The following CACNA1C variants were observed in gnomAD, a reference collection of about 807,000 sequenced individuals.
CACNA1C encodes the protein voltage-dependent L-type calcium channel subunit alpha-1C.
CACNA1C carries 30 observed loss-of-function variants against 229.0 expected under a neutral mutation model. That is an observed-to-expected ratio of 0.13 (90% CI 0.10 to 0.18). CACNA1C has a LOEUF of 0.18. Ranked by LOEUF, CACNA1C falls within the 10% of genes least tolerant of loss-of-function variation. The pLI, the probability that CACNA1C is intolerant of heterozygous loss-of-function variation, is 1.00. For missense variants in CACNA1C, 1,658 were observed against 2,845.0 expected, an observed-to-expected ratio of 0.58 and a Z score of 9.49; for synonymous variants, 1,114 against 1,132.5, an observed-to-expected ratio of 0.98 and a Z score of 0.33.
chr12:2,565,216 C>G (rs1245463903), intron 11 of CACNA1C, among the ~76,000 whole-genome samples: 4 of 152,004 alleles, frequency 2.6e-5, no homozygotes, highest in East Asian at 3.9e-4. Context: ...CGCCTGTAAT[C>G]CCAGCACTTT....
intron 2 of CACNA1C, among the ~76,000 whole-genome samples, chr12:2,117,939 T>C (rs2084741984): frequency 6.6e-6 from 1 of 152,214 alleles, no homozygotes; most frequent in Admixed American, 6.5e-5. Context: ...CCAGTTCTTC[T>C]TGAAGAAGTG....
At chr12:2,531,645 G>A (rs1205058255) in intron 9 of CACNA1C, among the ~76,000 whole-genome samples, 1 of 152,164 alleles carries the variant, frequency 6.6e-6, no homozygotes, top group Non-Finnish European at 1.5e-5. Flanking sequence ...CACAAGAGAG[G>A]AAGTGTCCAC....
intron 3 of CACNA1C, among the ~76,000 whole-genome samples, chr12:2,299,988 C>T (rs2094430210): frequency 6.6e-6 from 1 of 152,214 alleles, no homozygotes; most frequent in Admixed American, 6.5e-5. Context: ...ATCATCAGCA[C>T]TATCATTTTG....
chr12:2,652,002 G>A (rs948406512), intron 32 of CACNA1C, among the ~76,000 whole-genome samples: 2 of 152,120 alleles, frequency 1.3e-5, no homozygotes, highest in African/African-American at 4.8e-5. Flanking sequence ...GGAGGGATGG[G>A]AGCTAAGGGG....
At chr12:2,428,898 G>A (rs978820067) in intron 3 of CACNA1C, among the ~76,000 whole-genome samples, 1 of 152,186 alleles carries the variant, frequency 6.6e-6, no homozygotes, top group African/African-American at 2.4e-5. Flanking sequence ...CTTAGGTGAT[G>A]TCCTTGTGTT....
At chr12:2,061,303 G>A (rs774381876) in intron 1 of CACNA1C, among the ~76,000 whole-genome samples, 1 of 152,216 alleles carries the variant, frequency 6.6e-6, no homozygotes, top group Admixed American at 6.5e-5. Context: ...GCAACGCCAT[G>A]AAGTAACATT....
chr12:2,538,166 C>G (rs2049344650), intron 9 of CACNA1C, among the ~76,000 whole-genome samples: 1 of 152,192 alleles, frequency 6.6e-6, no homozygotes, highest in Admixed American at 6.5e-5. Context: ...TGCCTCCTCC[C>G]AGTTTATAGC....
intron 3 of CACNA1C, among the ~76,000 whole-genome samples, chr12:2,263,289 G>A (rs929367875): frequency 6.6e-5 from 10 of 151,694 alleles, no homozygotes; most frequent in African/African-American, 1.2e-4. Context: ...TATGCCCAGC[G>A]TGTCTGGGAG....
intron 3 of CACNA1C, among the ~76,000 whole-genome samples, chr12:2,255,253 C>T (rs1450949487): frequency 7.0e-6 from 1 of 143,742 alleles, no homozygotes; most frequent in Non-Finnish European, 1.5e-5. Flanking sequence ...ATGGGATGCT[C>T]AGCATTCTGC....
chr12:2,041,270 C>CTT (rs58922699), intron 1 of CACNA1C, among the ~76,000 whole-genome samples: 5,467 of 90,640 alleles, frequency 0.06, 389 homozygotes, highest in Non-Finnish European at 0.066. Flanking sequence ...TAAGGGTATT[C>CTT]TTTTTTTTTT....
intron 1 of CACNA1C, among the ~76,000 whole-genome samples, chr12:2,037,695 G>T (rs979709849): frequency 1.3e-5 from 2 of 152,188 alleles, no homozygotes; most frequent in African/African-American, 4.8e-5. Flanking sequence ...CCCACTGGAG[G>T]AACAGCACGA....
intron 3 of CACNA1C, among the ~76,000 whole-genome samples, chr12:2,282,582 A>C (rs780517103): frequency 6.6e-6 from 1 of 152,164 alleles, no homozygotes; most frequent in Non-Finnish European, 1.5e-5. Flanking sequence ...TCCTTCCCTC[A>C]CAGCTCATGG....
chr12:2,643,579 T>C (rs12422549), intron 30 of CACNA1C, among the ~76,000 whole-genome samples: 104,171 of 152,096 alleles, frequency 0.68, 37,792 homozygotes, highest in East Asian at 0.8. Flanking sequence ...TTAAAACATG[T>C]TTGCCTTTGG....
chr12:2,444,187 G>A (rs932114577), intron 3 of CACNA1C, among the ~76,000 whole-genome samples: 4 of 152,134 alleles, frequency 2.6e-5, no homozygotes, highest in Admixed American at 6.6e-5. Flanking sequence ...CCAGTACCCC[G>A]GCAGGTGAGA....
chr12:2,120,470 T>C (rs1407509816), intron 3 of CACNA1C, 40 bp downstream of exon 3: 1 of 1,096,146 alleles, frequency 9.1e-7, no homozygotes, highest in Non-Finnish European at 1.4e-6. Context: ...TTTCACTCGA[T>C]GGAGAACTGC....
chr12:2,664,942 C>T lies in CACNA1C; in HGVS notation c.4350C>T (p.Ser1450=), dbSNP rs779744304. The T allele has an allele frequency of 6.2e-7, 1 of 1,614,180 alleles. No homozygotes were observed. Among genetic ancestry groups the T allele is most frequent in the Non-Finnish European group, 8.5e-7 (1 of 1,180,006 alleles). The change falls in exon 35 of 47, where the codon AGC becomes AGT. Residue 1450 remains serine, a synonymous_variant. Transcript: ENST00000399655. ...AGGGTGAAACACCCTGTGGTAGCAG[C>T]TTTGCTGTCTTCTACTTCATCAGCT... ...STEGETPCGS[S]FAVFYFISFY...
intron 3 of CACNA1C, among the ~76,000 whole-genome samples, chr12:2,299,609 C>T (rs1313398379): frequency 1.3e-5 from 2 of 152,136 alleles, no homozygotes; most frequent in Non-Finnish European, 2.9e-5. Context: ...TCCACATTGG[C>T]CGGAACAGAA....
At position 2,691,585 on chromosome 12, in the gene CACNA1C, T is replaced by C. The variant is rs1208896624; in HGVS notation, c.*386T>C. 5.7e-6 allele frequency: 1 copy of C among 174,848 alleles called. No homozygotes were observed. The highest frequency in any genetic ancestry group is 2.4e-5 in the African/African-American group (1 of 42,366). 10.8% of individuals were successfully genotyped at this position (174,848 alleles called of 1,614,324 possible). A position where few individuals can be genotyped will look rare whatever the true frequency, so the allele number is the denominator to read the frequency against. On this transcript the variant is annotated 3_prime_UTR_variant, in exon 47 of 47. Coordinates refer to ENST00000399655, the MANE Select transcript of CACNA1C (RefSeq NM_000719.7). ...TTGTAGAAACCATTTGCACATATTCTGTACGAGCCTCGCTGTCTCCCTAGA... is the reference window on the plus strand; with the variant it reads ...TTGTAGAAACCATTTGCACATATTCCGTACGAGCCTCGCTGTCTCCCTAGA...
chr12:2,548,650 G>GT (rs1338508975), intron 9 of CACNA1C, among the ~76,000 whole-genome samples: 1 of 152,130 alleles, frequency 6.6e-6, no homozygotes, highest in Non-Finnish European at 1.5e-5. Flanking sequence ...CAAACATACG[G>GT]TAAGTCGTGG....
Sources: allele counts gnomAD v4.1 joint callset (sites outside exome capture counted in the v4.1 genomes callset), GRCh38; gene constraint gnomAD v4.1.1; transcripts MANE v1.5; gene names NCBI Gene and HGNC (gene_info 2026-07-23, HGNC 2026-07-21).